The following CDH12 variants were observed in gnomAD, a reference collection of about 807,000 sequenced individuals.
CDH12 encodes cadherin 12, also known as cadherin-12.
In CDH12, 41 loss-of-function variants were observed where a neutral mutation model predicts 74.1. That is an observed-to-expected ratio of 0.55 (90% CI 0.43 to 0.72). The LOEUF is 0.72. Among genes scored for constraint, CDH12 ranks in the 30% least tolerant of loss-of-function variants. The pLI is 0.00. For missense variants in CDH12, 945 were observed against 977.2 expected (o/e 0.97, Z 0.44); for synonymous variants, 399 against 355.0 (o/e 1.12, Z -1.39).
intron 4 of CDH12, among the ~76,000 whole-genome samples, chr5:22,116,211 C>T (rs1042667702): frequency 4.0e-5 from 6 of 151,880 alleles, no homozygotes; most frequent in Admixed American, 6.6e-5. Context: ...GATTTGGCAA[C>T]GGGAAAAGTT....
chr5:21,880,615 CCTTCTTTCT>C, intron 6 of CDH12, among the ~76,000 whole-genome samples: 1 of 84,748 alleles, frequency 1.2e-5, no homozygotes, highest in African/African-American at 4.7e-5. Context: ...TTCCTTCCTT[CCTTCTTTCT>C]TTCTTTCTTT....
At chr5:22,732,989 A>T (rs886841656) in intron 1 of CDH12, among the ~76,000 whole-genome samples, 2 of 151,974 alleles carry the variant, frequency 1.3e-5, no homozygotes, top group African/African-American at 4.8e-5. Flanking sequence ...TAAAATGAAT[A>T]CTTAAGCATT....
intron 1 of CDH12, among the ~76,000 whole-genome samples, chr5:22,530,452 G>T (rs1052572463): frequency 1.3e-5 from 2 of 152,054 alleles, no homozygotes; most frequent in African/African-American, 4.8e-5. Flanking sequence ...TAAATGAATA[G>T]AAGTATCCTT....
At chr5:22,673,094 A>G (rs2126917119) in intron 1 of CDH12, among the ~76,000 whole-genome samples, 1 of 151,672 alleles carries the variant, frequency 6.6e-6, no homozygotes, top group East Asian at 1.9e-4. Flanking sequence ...CAGTACTCCA[A>G]CTCTTATTGT....
chr5:22,482,198 G>A (rs533602011), intron 2 of CDH12, among the ~76,000 whole-genome samples: 10 of 152,154 alleles, frequency 6.6e-5, no homozygotes, highest in South Asian at 2.1e-4. Context: ...TTGGTAGGCC[G>A]TCATATTTCA....
chr5:22,111,217 G>A (rs982328639), intron 4 of CDH12, among the ~76,000 whole-genome samples: 33 of 152,062 alleles, frequency 2.2e-4, no homozygotes, highest in African/African-American at 6.8e-4. Context: ...ATACCACTAT[G>A]GAGGTAACAC....
At chr5:22,607,323 G>T (rs1193020843) in intron 1 of CDH12, among the ~76,000 whole-genome samples, 1 of 152,094 alleles carries the variant, frequency 6.6e-6, no homozygotes, top group East Asian at 1.9e-4. Flanking sequence ...GGCTGTATTA[G>T]TCCATTTCAC....
In CDH12 at chr5:22,644,146, A is replaced by G. The variant is rs541238576; in HGVS notation, c.-522-138782T>C. Among the ~76,000 whole-genome samples, 14 of 152,202 alleles carry G rather than the reference A, an allele frequency of 9.2e-5. 1 individual carries two copies. The East Asian group carries it at 1.7e-3, about 19-fold the overall frequency. The stretch of plus-strand genomic sequence containing the variant: ...TTAACAACCCTTAAATGGCCTTTAC[A>G]TGTTCAAGTGAAAAGTCCCACAACT... On this transcript the variant is annotated intron_variant, in intron 1 of 14. Transcript: ENST00000382254.
chr5:22,330,159 C>T (rs1561318222), intron 3 of CDH12, among the ~76,000 whole-genome samples: 2 of 152,050 alleles, frequency 1.3e-5, no homozygotes, highest in South Asian at 4.2e-4. Context: ...TCATGGATAC[C>T]AGCTCAGCCA....
chr5:22,156,532 C>T (rs1486547166), intron 4 of CDH12, among the ~76,000 whole-genome samples: 6 of 151,920 alleles, frequency 3.9e-5, no homozygotes, highest in Non-Finnish European at 5.9e-5. Context: ...GGCATATTTG[C>T]TGTCTTTAAA....
intron 2 of CDH12, among the ~76,000 whole-genome samples, chr5:22,431,654 C>T (rs1404315415): frequency 6.6e-6 from 1 of 152,182 alleles, no homozygotes; most frequent in Non-Finnish European, 1.5e-5. Flanking sequence ...CATGTAAGTG[C>T]CCCTGGGACA....
intron 1 of CDH12, among the ~76,000 whole-genome samples, chr5:22,757,737 C>T (rs776702527): frequency 6.6e-6 from 1 of 152,158 alleles, no homozygotes; most frequent in Non-Finnish European, 1.5e-5. Context: ...GGATTGTCAG[C>T]TTTGTCCTCC....
chr5:22,060,251 A>T (rs1407121024), intron 5 of CDH12, among the ~76,000 whole-genome samples: 2 of 151,818 alleles, frequency 1.3e-5, no homozygotes, highest in Admixed American at 1.3e-4. Context: ...TCTCACTCAT[A>T]AGTGGGAGAT....
chr5:22,573,568 A>G (rs1739639580), intron 1 of CDH12, among the ~76,000 whole-genome samples: 1 of 152,204 alleles, frequency 6.6e-6, no homozygotes. Flanking sequence ...TTGCCTTTCT[A>G]AAAGAAAGCA....
chr5:22,713,526 G>A (rs1431988618), intron 1 of CDH12, among the ~76,000 whole-genome samples: 1 of 152,076 alleles, frequency 6.6e-6, no homozygotes, highest in Non-Finnish European at 1.5e-5. Flanking sequence ...CAGGGTTGTT[G>A]TGAGGCTTGA....
At chr5:22,430,512 A>C (rs983982396) in intron 2 of CDH12, among the ~76,000 whole-genome samples, 2 of 152,200 alleles carry the variant, frequency 1.3e-5, no homozygotes, top group African/African-American at 2.4e-5. Flanking sequence ...TTAAACTCTA[A>C]CTTTATTTAC....
chr5:22,752,013 C>T (rs1561839), intron 1 of CDH12, among the ~76,000 whole-genome samples: 127,666 of 152,058 alleles, frequency 0.84, 53,661 homozygotes, highest in Non-Finnish European at 0.86. Context: ...TCACAGATGC[C>T]GTATAGTTTA....
chr5:21,986,804 T>G (rs1757535213), intron 5 of CDH12, among the ~76,000 whole-genome samples: 1 of 152,114 alleles, frequency 6.6e-6, no homozygotes, highest in Non-Finnish European at 1.5e-5. Context: ...CTTAATTTAT[T>G]GTTAGCATTT....
intron 1 of CDH12, among the ~76,000 whole-genome samples, chr5:22,840,029 T>C (rs1300519848): frequency 1.3e-5 from 2 of 152,218 alleles, no homozygotes; most frequent in Non-Finnish European, 2.9e-5. Flanking sequence ...ATGCTGCAGA[T>C]GTTTCATTTT....
Sources: gnomAD v4.1 joint callset for allele counts (sites outside exome capture counted in the v4.1 genomes callset) on GRCh38, gnomAD v4.1.1 for gene constraint, MANE v1.5 for transcripts, NCBI Gene and HGNC (gene_info 2026-07-23, HGNC 2026-07-21) for gene names.